The following COL25A1 variants were observed in gnomAD, a reference collection of about 807,000 sequenced individuals.
COL25A1 encodes collagen type XXV alpha 1 chain.
Under a neutral mutation model 128.4 loss-of-function variants are expected in COL25A1, and 103 were observed. The observed-to-expected ratio is 0.80, with a 90% CI of 0.68 to 0.94. COL25A1 has a LOEUF of 0.94. COL25A1 is among the 40% of genes least tolerant of loss of function. The pLI is 0.00. For missense variants in COL25A1, 745 were observed against 840.0 expected (o/e 0.89, Z 1.40); for synonymous variants, 279 against 277.2 (o/e 1.01, Z -0.06).
At position 109,012,594 on chromosome 4, in the gene COL25A1, C is replaced by T. The variant is rs371454349; in HGVS notation, c.421-2219G>A. Among the ~76,000 whole-genome samples, 3 of 151,848 alleles carry T rather than the reference C, an allele frequency of 2.0e-5. No homozygotes were observed. The East Asian group carries it at 5.9e-4, about 30-fold the overall frequency. ...GGCCGGCCAGCCGGCGGTGCCAGCC[C>T]TGGGCAGTAAGGGGCTTAGCACCTG... On this transcript the variant is annotated intron_variant, in intron 5 of 37. Coordinates refer to ENST00000399132, the MANE Select transcript of COL25A1 (RefSeq NM_198721.4).
At position 109,269,454 on chromosome 4, in the gene COL25A1, G is replaced by A. The variant is rs532306628; in HGVS notation, c.367+31129C>T. Among the ~76,000 whole-genome samples, 520 of 147,522 alleles carry A rather than the reference G, an allele frequency of 3.5e-3. 4 individuals carry two copies. Among genetic ancestry groups the A allele is most frequent in the Middle Eastern group, 0.017 (5 of 290 alleles). On this transcript the variant is annotated intron_variant, in intron 3 of 37. Transcript: ENST00000399132. ...GTCCTTTGGGTATATACCCAGTAAT[G>A]GGATGGCTGGGTCAAATGGTATTTC...
intron 11 of COL25A1, among the ~76,000 whole-genome samples, chr4:108,935,657 G>C (rs1747312515): frequency 6.6e-6 from 1 of 151,986 alleles, no homozygotes; most frequent in Non-Finnish European, 1.5e-5. Flanking sequence ...TTTCACCTGA[G>C]AAAGTTTTGA....
intron 5 of COL25A1, among the ~76,000 whole-genome samples, chr4:109,039,941 G>A (rs764986671): frequency 9.2e-5 from 14 of 152,046 alleles, no homozygotes; most frequent in Non-Finnish European, 1.3e-4. Context: ...ATATGTGTGC[G>A]TATTTGCTTG....
At chr4:108,939,863 A>AT (rs1747875498) in intron 10 of COL25A1, among the ~76,000 whole-genome samples, 1 of 152,108 alleles carries the variant, frequency 6.6e-6, no homozygotes, top group Non-Finnish European at 1.5e-5. Context: ...TTTTACTACT[A>AT]TATCATTGAC....
intron 3 of COL25A1, among the ~76,000 whole-genome samples, chr4:109,185,875 A>G (rs1294496565): frequency 6.6e-6 from 1 of 152,184 alleles, no homozygotes; most frequent in African/African-American, 2.4e-5. Context: ...CCAGGAAGAC[A>G]GGCCTCCTCA....
chr4:108,824,699 G>A (rs1732162121), intron 34 of COL25A1, among the ~76,000 whole-genome samples: 1 of 152,120 alleles, frequency 6.6e-6, no homozygotes, highest in Non-Finnish European at 1.5e-5. Context: ...TCATTATTCA[G>A]GTAATACAGG....
chr4:109,135,024 C>CAAAAAAAAAAAAAAAAAAAAAAA (rs574984369), intron 3 of COL25A1, among the ~76,000 whole-genome samples: 2 of 100,732 alleles, frequency 2.0e-5, no homozygotes, highest in African/African-American at 3.3e-5. Flanking sequence ...ACTTTTCTGT[C>CAAAAAAAAAAAAAAAAAAAAAAA]AAAAAAAAAA....
At chr4:109,236,004 G>C (rs1194383295) in intron 3 of COL25A1, among the ~76,000 whole-genome samples, 1 of 151,902 alleles carries the variant, frequency 6.6e-6, no homozygotes, top group Non-Finnish European at 1.5e-5. Flanking sequence ...ATATACTGTA[G>C]GTGCTTAATA....
chr4:108,934,400 G>T (rs996911089), intron 11 of COL25A1, among the ~76,000 whole-genome samples: 9 of 151,858 alleles, frequency 5.9e-5, no homozygotes, highest in African/African-American at 1.9e-4. Flanking sequence ...TGAGTTGATG[G>T]GTGCAGCAAA....
chr4:109,019,596 C>T (rs967682250), intron 5 of COL25A1, among the ~76,000 whole-genome samples: 2 of 151,662 alleles, frequency 1.3e-5, no homozygotes, highest in South Asian at 2.1e-4. Flanking sequence ...CAGGGAAAAC[C>T]GCCTTATAAA....
chr4:109,240,569 A>C (rs1779831743), intron 3 of COL25A1, among the ~76,000 whole-genome samples: 1 of 152,042 alleles, frequency 6.6e-6, no homozygotes, highest in African/African-American at 2.4e-5. Flanking sequence ...CCTGTGCTCC[A>C]TTGGCCCAAA....
chr4:109,112,293 C>A (rs1194497313), intron 3 of COL25A1, among the ~76,000 whole-genome samples: 3 of 152,034 alleles, frequency 2.0e-5, no homozygotes, highest in Non-Finnish European at 4.4e-5. Flanking sequence ...TACTTCTTCT[C>A]CTGGGAAGTA....
At chr4:109,217,813 G>A (rs925085429) in intron 3 of COL25A1, among the ~76,000 whole-genome samples, 4 of 151,548 alleles carry the variant, frequency 2.6e-5, no homozygotes, top group African/African-American at 9.8e-5. Flanking sequence ...ATACTGTTGA[G>A]TTTAGTCAAT....
intron 6 of COL25A1, among the ~76,000 whole-genome samples, chr4:108,991,253 CA>C (rs1754201449): frequency 6.6e-6 from 1 of 151,950 alleles, no homozygotes; most frequent in Non-Finnish European, 1.5e-5. Context: ...ATAAAGTAGG[CA>C]ATAGAAATTC....
At chr4:109,085,551 C>T (rs1400235344) in intron 3 of COL25A1, among the ~76,000 whole-genome samples, 1 of 152,140 alleles carries the variant, frequency 6.6e-6, no homozygotes, top group Non-Finnish European at 1.5e-5. Flanking sequence ...ACATACTGCT[C>T]TTATGTTAAG....
intron 6 of COL25A1, among the ~76,000 whole-genome samples, chr4:108,998,634 T>C (rs6533396): frequency 0.8 from 121,087 of 152,080 alleles, 49,353 homozygotes; most frequent in East Asian, 1. Flanking sequence ...TCATATGGAA[T>C]AAAAAAAGGC....
At chr4:109,268,605 A>G (rs1027609969) in intron 3 of COL25A1, among the ~76,000 whole-genome samples, 1 of 152,232 alleles carries the variant, frequency 6.6e-6, no homozygotes, top group African/African-American at 2.4e-5. Flanking sequence ...AGAGCCAAAG[A>G]CACGTGCAAA....
intron 5 of COL25A1, among the ~76,000 whole-genome samples, chr4:109,028,156 A>T (rs1758492225): frequency 2.6e-5 from 4 of 152,174 alleles, no homozygotes; most frequent in Admixed American, 2.0e-4. Context: ...ACAGAGTCTC[A>T]CTTTGTCACC....
chr4:109,027,596 G>C (rs1758424550), intron 5 of COL25A1, among the ~76,000 whole-genome samples: 1 of 152,072 alleles, frequency 6.6e-6, no homozygotes, highest in Admixed American at 6.6e-5. Flanking sequence ...AGAAAGGCAG[G>C]GGTGTACAGA....
Sources: allele counts gnomAD v4.1 joint callset (sites outside exome capture counted in the v4.1 genomes callset), GRCh38; gene constraint gnomAD v4.1.1; transcripts MANE v1.5; gene names NCBI Gene and HGNC (gene_info 2026-07-23, HGNC 2026-07-21).